USP46: variants seen among roughly 807,000 people sequenced by gnomAD.
The protein encoded by USP46 is ubiquitin carboxyl-terminal hydrolase 46.
In USP46, 12 loss-of-function variants were observed where a neutral mutation model predicts 44.4. That is an observed-to-expected ratio of 0.27 (90% CI 0.17 to 0.44). The LOEUF is 0.44. Ranked by LOEUF, USP46 falls within the 20% of genes least tolerant of loss-of-function variation. USP46 has a pLI of 1.00. For missense variants in USP46, 248 were observed against 444.8 expected (o/e 0.56, Z 3.98); for synonymous variants, 155 against 161.5 (o/e 0.96, Z 0.31).
At chr4:52,634,004 G>C (rs1352748890) in intron 1 of USP46, among the ~76,000 whole-genome samples, 1 of 152,212 alleles carries the variant, frequency 6.6e-6, no homozygotes, top group African/African-American at 2.4e-5. Flanking sequence ...CTCAGGTTAA[G>C]CTTGCTTGGA....
intron 2 of USP46, among the ~76,000 whole-genome samples, chr4:52,628,729 A>G (rs925579301): frequency 1.3e-5 from 2 of 152,206 alleles, no homozygotes; most frequent in Non-Finnish European, 2.9e-5. Flanking sequence ...ACCCCGAGCA[A>G]CACAGCAACG....
intron 1 of USP46, chr4:52,656,742 G>C (rs995987810): frequency 6.8e-6 from 2 of 293,198 alleles, no homozygotes; most frequent in African/African-American, 4.6e-5. Flanking sequence ...AAGCCAACAT[G>C]TGTTAGAACC....
intron 1 of USP46, among the ~76,000 whole-genome samples, chr4:52,645,632 C>T (rs566046154): frequency 6.6e-6 from 1 of 152,220 alleles, no homozygotes; most frequent in East Asian, 1.9e-4. Flanking sequence ...TATCATGTCC[C>T]CTAAGCTCCT....
intron 3 of USP46, 93 bp downstream of exon 3, chr4:52,627,856 CA>C: frequency 7.3e-7 from 1 of 1,369,488 alleles, no homozygotes; most frequent in Non-Finnish European, 9.7e-7. Context: ...TTTCCCTTTT[CA>C]AAAAAATGCC....
Position 52,656,640 on chromosome 4 carries a change from C to T in USP46, c.36+2475G>A, listed in dbSNP as rs1020840867. On this transcript the variant is annotated intron_variant, in intron 1 of 8. Coordinates refer to ENST00000441222, the MANE Select transcript of USP46 (RefSeq NM_022832.4). ...ACACTCACTGAGTTCTAGCCATGTA[C>T]CAGGCCCTGTGCCCGAGTAATACAA... 378 of 1,112,454 alleles carry T rather than the reference C, an allele frequency of 3.4e-4. 1 individual carries two copies. The highest frequency in any genetic ancestry group is 4.0e-4 in the Non-Finnish European group (357 of 896,914). 68.9% of individuals were successfully genotyped at this position (1,112,454 alleles called of 1,614,324 possible). A position where few individuals can be genotyped will look rare whatever the true frequency, so the allele number is the denominator to read the frequency against.
In USP46 at chr4:52,643,473, G is replaced by A. The variant is rs532274170; in HGVS notation, c.37-12329C>T. 5.9e-5 allele frequency among the ~76,000 whole-genome samples: 9 copies of A among 152,300 alleles called. No individual in the cohort carries two copies. In the South Asian group the frequency reaches 8.3e-4, roughly 14 times the overall value. On this transcript the variant is annotated intron_variant, in intron 1 of 8. Transcript: ENST00000441222. ...TTCACAATATTAACAGCAGAATTGC[G>A]TAGCTGTGATAGAGACACTACGGCC...
chr4:52,652,940 A>C (rs965542247), intron 1 of USP46, among the ~76,000 whole-genome samples: 2 of 152,216 alleles, frequency 1.3e-5, no homozygotes, highest in African/African-American at 4.8e-5. Flanking sequence ...GCTAATTTAA[A>C]AAGTATCTGA....
At position 52,628,105 on chromosome 4, in the gene USP46, A is replaced by C; in HGVS notation, c.176T>G (p.Phe59Cys). ...CTTGTATGCCAACACATTCTCCCGG[A>C]ATGGACGGCAGAAGTACAATGCCTG... is the stretch of plus-strand genomic sequence containing the variant. ...VLQALYFCRP[F>C]RENVLAYKAQ... is the part of the protein sequence containing the mutation. The change falls in exon 3 of 9, where the codon TTC (phenylalanine) becomes TGC (cysteine). Residue 59 changes from phenylalanine (F) to cysteine (C), a missense_variant. Physicochemically the swap from Phe to Cys is radical, Grantham distance 205 (BLOSUM62 -2). This residue lies in a region of USP46 where 54 missense variants were observed against 135.0 expected (regional missense o/e 0.40). Coordinates refer to ENST00000441222, the MANE Select transcript of USP46 (RefSeq NM_022832.4). 1 of 1,613,942 alleles carries C rather than the reference A, an allele frequency of 6.2e-7. No homozygotes were observed. Among genetic ancestry groups the C allele is most frequent in the Non-Finnish European group, 8.5e-7 (1 of 1,179,876 alleles).
At position 52,597,700 on chromosome 4, in the gene USP46, C is replaced by A; in HGVS notation, c.1041G>T (p.Thr347=). 1 of 1,603,490 alleles carries A rather than the reference C, an allele frequency of 6.2e-7. No individual in the cohort carries two copies. The change falls in exon 9 of 9, where the codon ACG becomes ACT. Residue 347 remains threonine (T), a synonymous_variant. Transcript: ENST00000441222. ...AQAIEEFYGL[T]SDISKNSESG... ...ATTCTGAATTTTTTGATATATCTGA[C>A]GTCAGGCCATAGAATTCTTCAATAG...
intron 1 of USP46, chr4:52,658,098 G>A (rs1050610315): frequency 2.2e-5 from 9 of 414,184 alleles, no homozygotes; most frequent in Non-Finnish European, 4.4e-5. Context: ...TTGCCTCCGG[G>A]GACCCGCTTG....
At chr4:52,619,143 G>T (rs1717280238) in intron 4 of USP46, among the ~76,000 whole-genome samples, 1 of 152,150 alleles carries the variant, frequency 6.6e-6, no homozygotes, top group African/African-American at 2.4e-5. Flanking sequence ...ACCCAATTCT[G>T]AAGTGCCTTT....
chr4:52,658,502 T>C (rs759415078), intron 1 of USP46, among the ~76,000 whole-genome samples: 8 of 152,154 alleles, frequency 5.3e-5, no homozygotes, highest in Admixed American at 1.3e-4. Context: ...CACAGAGCCT[T>C]GTCCCTTTTT....
chr4:52,605,254 GAAC>G (rs1427024882), intron 5 of USP46, among the ~76,000 whole-genome samples: 1 of 152,160 alleles, frequency 6.6e-6, no homozygotes, highest in Non-Finnish European at 1.5e-5. Flanking sequence ...CTCCTTTGGA[GAAC>G]AAAAGCCATT....
intron 4 of USP46, among the ~76,000 whole-genome samples, chr4:52,615,698 G>T (rs1034269312): frequency 4.6e-5 from 7 of 152,102 alleles, no homozygotes; most frequent in Non-Finnish European, 1.0e-4. Flanking sequence ...AAGACAAAAA[G>T]TAGATTAGTA....
chr4:52,632,984 G>GAA (rs368999019), intron 1 of USP46, among the ~76,000 whole-genome samples: 1 of 52,536 alleles, frequency 1.9e-5, no homozygotes, highest in Non-Finnish European at 4.3e-5. Context: ...AAGAAAGAAA[G>GAA]AAAAGAAAAG....
chr4:52,601,125 C>T (rs1274991380), intron 7 of USP46, among the ~76,000 whole-genome samples: 1 of 152,188 alleles, frequency 6.6e-6, no homozygotes, highest in African/African-American at 2.4e-5. Flanking sequence ...GACTCTTGCT[C>T]TATGACATGC....
In USP46 at chr4:52,656,741, T is replaced by C. The variant is rs569051515; in HGVS notation, c.36+2374A>G. 6.4e-5 allele frequency: 19 copies of C among 298,118 alleles called. No homozygotes were observed. The South Asian group carries it at 2.3e-3, about 37-fold the overall frequency. 18.5% of individuals were successfully genotyped at this position (298,118 alleles called of 1,614,324 possible). On this transcript the variant is annotated intron_variant, in intron 1 of 8. Coordinates refer to ENST00000441222, the MANE Select transcript of USP46 (RefSeq NM_022832.4). ...CTTGTTCAAGGACACAAAGCCAACA[T>C]GTGTTAGAACCAGGACCTGCCGGGT...
chr4:52,645,224 CAAA>C (rs74266163), intron 1 of USP46, among the ~76,000 whole-genome samples: 8 of 79,808 alleles, frequency 1.0e-4, no homozygotes, highest in Admixed American at 1.4e-4. Context: ...GACTCTATCT[CAAA>C]AAAAAAAAAA....
At chr4:52,638,230 G>A (rs1316148176) in intron 1 of USP46, among the ~76,000 whole-genome samples, 1 of 152,078 alleles carries the variant, frequency 6.6e-6, no homozygotes, top group Non-Finnish European at 1.5e-5. Flanking sequence ...ATCAGTGACG[G>A]GACGTGACAA....
Sources: gnomAD v4.1 joint callset for allele counts (sites outside exome capture counted in the v4.1 genomes callset) on GRCh38, gnomAD v4.1.1 for gene constraint, gnomAD v4.1.1 regional missense constraint, MANE v1.5 for transcripts, NCBI Gene and HGNC (gene_info 2026-07-23, HGNC 2026-07-21) for gene names.